PCDHA7: variants seen among roughly 807,000 people sequenced by gnomAD.
The protein encoded by PCDHA7 is protocadherin alpha-7.
In PCDHA7, 37 loss-of-function variants were observed where a neutral mutation model predicts 57.2. The ratio of observed to expected loss-of-function variants is 0.65; its 90% CI spans 0.50 to 0.85. The LOEUF is 0.85. PCDHA7 is among the 40% of genes least tolerant of loss of function. The probability of loss-of-function intolerance (pLI) is 0.00; values close to 1 mark genes in which losing one functional copy is unlikely to be tolerated. For missense variants in PCDHA7, 1,188 were observed against 1,241.8 expected (o/e 0.96, Z 0.65); for synonymous variants, 553 against 558.8 (o/e 0.99, Z 0.15).
At position 140,855,615 on chromosome 5, in the gene PCDHA7, G is replaced by A. The variant is rs533931974; in HGVS notation, c.2355+18877G>A. On this transcript the variant is annotated intron_variant, in intron 1 of 3. Coordinates refer to ENST00000525929, the MANE Select transcript of PCDHA7 (RefSeq NM_018910.3). ...ACTCAGTAGTATGCAAATATTAAGG[G>A]CATTTTGAAATTCGGCTATTGATAA... Among the ~76,000 whole-genome samples, 21 of 149,700 alleles carry A rather than the reference G, an allele frequency of 1.4e-4. 1 individual carries two copies. Among genetic ancestry groups the A allele is most frequent in the African/African-American group, 5.1e-4 (21 of 40,910 alleles).
chr5:140,932,351 A>C (rs1401387848), intron 1 of PCDHA7, among the ~76,000 whole-genome samples: 1 of 151,920 alleles, frequency 6.6e-6, no homozygotes, highest in Non-Finnish European at 1.5e-5. Flanking sequence ...TTACCATACA[A>C]CTGGCCTTAT....
intron 1 of PCDHA7, among the ~76,000 whole-genome samples, chr5:140,894,790 T>C (rs943284227): frequency 6.6e-6 from 1 of 152,164 alleles, no homozygotes. Flanking sequence ...ATTTGTCCTC[T>C]CCTTTAAAAA....
intron 1 of PCDHA7, among the ~76,000 whole-genome samples, chr5:140,963,581 G>A (rs2095775682): frequency 6.6e-6 from 1 of 152,210 alleles, no homozygotes; most frequent in Non-Finnish European, 1.5e-5. Flanking sequence ...TTCTCAAAAT[G>A]TAGGATATAG....
chr5:140,842,806 G>A (rs2150344901), intron 1 of PCDHA7: 10 of 1,594,218 alleles, frequency 6.3e-6, no homozygotes, highest in South Asian at 3.3e-5. Context: ...ACTCGCTTGT[G>A]GAGCGGCGGG....
chr5:140,980,015 G>A (rs1164072132), intron 2 of PCDHA7, among the ~76,000 whole-genome samples: 2 of 152,192 alleles, frequency 1.3e-5, no homozygotes, highest in East Asian at 3.9e-4. Flanking sequence ...CATTACAAAT[G>A]AGCAGAAATC....
In PCDHA7 at chr5:140,946,631, T is replaced by TATATATATATATATATATATAC. The variant is rs57893927; in HGVS notation, c.2356-32317_2356-32316insTATATATATATATATATATACA. 3.0e-3 allele frequency among the ~76,000 whole-genome samples: 389 copies of TATATATATATATATATATATAC among 131,774 alleles called. 27 individuals are homozygous for TATATATATATATATATATATAC. The highest frequency in any genetic ancestry group is 0.013 in the African/African-American group (369 of 28,648). 86.4% of individuals were successfully genotyped at this position (131,774 alleles called of 152,430 possible). A position where few individuals can be genotyped will look rare whatever the true frequency, so the allele number is the denominator to read the frequency against. ...TGTGAAATATATATATATATATATA[T>TATATATATATATATATATATAC]ACAATGGAATACTCATCAGCCATTA... On this transcript the variant is annotated intron_variant, in intron 1 of 3. Coordinates refer to ENST00000525929, the MANE Select transcript of PCDHA7 (RefSeq NM_018910.3).
intron 1 of PCDHA7, among the ~76,000 whole-genome samples, chr5:140,946,772 TG>T (rs2094025159): frequency 6.6e-6 from 1 of 151,346 alleles, no homozygotes; most frequent in Non-Finnish European, 1.5e-5. Context: ...TCATGTGGAA[TG>T]TAAAAAAGCT....
chr5:140,987,462 A>C (rs2097255249), intron 3 of PCDHA7, among the ~76,000 whole-genome samples: 1 of 152,154 alleles, frequency 6.6e-6, no homozygotes, highest in African/African-American at 2.4e-5. Flanking sequence ...AATTGTTAAG[A>C]GCTCAAGCTT....
At chr5:140,870,633 C>A in intron 1 of PCDHA7, 2 of 1,612,872 alleles carry the variant, frequency 1.2e-6, no homozygotes, top group Middle Eastern at 1.8e-4. Context: ...TGTCGGTGCA[C>A]GCGGAGAGCG....
At chr5:140,884,941 C>T (rs1326188943) in intron 1 of PCDHA7, among the ~76,000 whole-genome samples, 1 of 152,116 alleles carries the variant, frequency 6.6e-6, no homozygotes, top group Admixed American at 6.5e-5. Context: ...TGCAATTGAG[C>T]ATTTACAAAA....
intron 1 of PCDHA7, among the ~76,000 whole-genome samples, chr5:140,973,377 G>T (rs1176312664): frequency 1.3e-5 from 2 of 152,208 alleles, no homozygotes; most frequent in Non-Finnish European, 2.9e-5. Context: ...ACAATGGTCA[G>T]AATAGACAAA....
At chr5:140,875,501 G>A (rs1457273881) in intron 1 of PCDHA7, 2 of 1,613,368 alleles carry the variant, frequency 1.2e-6, no homozygotes, top group Non-Finnish European at 1.7e-6. Context: ...AGAGGCCCGG[G>A]ATCCCAGCGT....
At chr5:140,907,752 T>C (rs1255877387) in intron 1 of PCDHA7, among the ~76,000 whole-genome samples, 5 of 152,190 alleles carry the variant, frequency 3.3e-5, no homozygotes, top group African/African-American at 1.2e-4. Flanking sequence ...ACTTTGTTCA[T>C]GGGCCCATTG....
At chr5:140,997,129 C>T (rs983112049) in intron 3 of PCDHA7, among the ~76,000 whole-genome samples, 1 of 152,094 alleles carries the variant, frequency 6.6e-6, no homozygotes, top group Non-Finnish European at 1.5e-5. Flanking sequence ...ATACACAATG[C>T]CCCCACACCC....
chr5:140,990,671 C>T (rs2097406151), intron 3 of PCDHA7, among the ~76,000 whole-genome samples: 2 of 152,176 alleles, frequency 1.3e-5, no homozygotes, highest in South Asian at 4.1e-4. Flanking sequence ...ATTAGATGCA[C>T]ACCAAGCTGC....
chr5:140,900,432 C>T (rs782344144), intron 1 of PCDHA7, among the ~76,000 whole-genome samples: 1 of 152,178 alleles, frequency 6.6e-6, no homozygotes, highest in Non-Finnish European at 1.5e-5. Flanking sequence ...CACGTGCCAC[C>T]ACGGCCGGCT....
At chr5:140,981,191 G>A (rs2096922052) in intron 2 of PCDHA7, among the ~76,000 whole-genome samples, 2 of 152,178 alleles carry the variant, frequency 1.3e-5, no homozygotes, top group South Asian at 4.1e-4. Context: ...AAGTTTGCCT[G>A]CTCTGTTGCC....
At chr5:140,927,403 C>T (rs1276847771) in intron 1 of PCDHA7, 1 of 1,614,146 alleles carries the variant, frequency 6.2e-7, no homozygotes, top group Non-Finnish European at 8.5e-7. Context: ...GCACTTTCGC[C>T]TGGACATGGG....
At chr5:140,972,754 CCCAAG>C (rs1290105832) in intron 1 of PCDHA7, among the ~76,000 whole-genome samples, 1 of 151,316 alleles carries the variant, frequency 6.6e-6, no homozygotes, top group African/African-American at 2.4e-5. Context: ...ACCTCCGCCT[CCCAAG>C]TTAAAGTGAT....
Sources: allele counts gnomAD v4.1 joint callset (sites outside exome capture counted in the v4.1 genomes callset), GRCh38; gene constraint gnomAD v4.1.1; transcripts MANE v1.5; gene names NCBI Gene and HGNC (gene_info 2026-07-23, HGNC 2026-07-21).